AGBL4: variants seen among roughly 807,000 people sequenced by gnomAD.
The protein encoded by AGBL4 is AGBL carboxypeptidase 4, also known as cytosolic carboxypeptidase 6.
Under a neutral mutation model 66.4 loss-of-function variants are expected in AGBL4, and 58 were observed. That is an observed-to-expected ratio of 0.87 (90% CI 0.71 to 1.09). AGBL4 has a LOEUF of 1.09. Among genes scored for constraint, AGBL4 ranks in the 50% least tolerant of loss-of-function variants. The pLI is 0.00. For missense variants in AGBL4, 579 were observed against 631.0 expected (o/e 0.92, Z 0.88); for synonymous variants, 234 against 222.9 (o/e 1.05, Z -0.44).
chr1:48,846,897 C>G (rs944047432), intron 6 of AGBL4, among the ~76,000 whole-genome samples: 1 of 152,064 alleles, frequency 6.6e-6, no homozygotes, highest in African/African-American at 2.4e-5. Flanking sequence ...TATTACCCAA[C>G]CTTAATGAGA....
At chr1:49,833,813 A>G (rs1165700717) in intron 2 of AGBL4, among the ~76,000 whole-genome samples, 1 of 152,094 alleles carries the variant, frequency 6.6e-6, no homozygotes, top group South Asian at 2.1e-4. Context: ...TTGGTGTATA[A>G]GAATGCTTGT....
intron 5 of AGBL4, among the ~76,000 whole-genome samples, chr1:48,875,810 A>G (rs1649165337): frequency 6.6e-6 from 1 of 152,210 alleles, no homozygotes; most frequent in African/African-American, 2.4e-5. Context: ...TGAGGCAGGT[A>G]TTGTTGCCCT....
rs565837972 is a variant in AGBL4, at chr1:49,749,123, G to C, written c.158-51686C>G. Among the ~76,000 whole-genome samples the C allele has an allele frequency of 2.6e-5, 4 of 152,266 alleles. No individual in the cohort carries two copies. The South Asian group carries it at 8.3e-4, about 32-fold the overall frequency. Reference sequence around the variant, plus strand: ...ATGGTATTGCCTAGGTTTTCTTCTAGGGTTTTTATGGTTTTAGGTCTTACG... The same window carrying C: ...ATGGTATTGCCTAGGTTTTCTTCTACGGTTTTTATGGTTTTAGGTCTTACG... On this transcript the variant is annotated intron_variant, in intron 2 of 13. Transcript: ENST00000371839.
At chr1:48,563,011 T>A (rs1478619272) in intron 11 of AGBL4, among the ~76,000 whole-genome samples, 3 of 152,202 alleles carry the variant, frequency 2.0e-5, no homozygotes, top group Non-Finnish European at 4.4e-5. Flanking sequence ...ATTTCACCAC[T>A]AGGATACTCC....
At chr1:49,740,516 C>A (rs2124746264) in intron 2 of AGBL4, among the ~76,000 whole-genome samples, 1 of 152,192 alleles carries the variant, frequency 6.6e-6, no homozygotes, top group South Asian at 2.1e-4. Flanking sequence ...ACAAGGATAT[C>A]CAGGAATTGA....
intron 3 of AGBL4, among the ~76,000 whole-genome samples, chr1:49,542,466 C>T (rs1381358480): frequency 1.3e-5 from 2 of 152,132 alleles, no homozygotes; most frequent in African/African-American, 2.4e-5. Context: ...GGACATGCCG[C>T]CTTTAAGGAC....
intron 5 of AGBL4, among the ~76,000 whole-genome samples, chr1:48,882,715 T>G (rs965123015): frequency 6.6e-6 from 1 of 152,194 alleles, no homozygotes; most frequent in African/African-American, 2.4e-5. Context: ...TCTCCAGAAC[T>G]TATCCCTCCT....
intron 3 of AGBL4, among the ~76,000 whole-genome samples, chr1:49,604,356 T>C (rs1326174537): frequency 6.6e-6 from 1 of 152,236 alleles, no homozygotes; most frequent in African/African-American, 2.4e-5. Flanking sequence ...CATATGTTTG[T>C]TGGCCATTTT....
intron 4 of AGBL4, among the ~76,000 whole-genome samples, chr1:49,120,032 G>A (rs987240957): frequency 2.0e-5 from 3 of 151,986 alleles, no homozygotes; most frequent in African/African-American, 2.4e-5. Flanking sequence ...CATTTGCTTG[G>A]TAGATCTTTC....
intron 2 of AGBL4, among the ~76,000 whole-genome samples, chr1:49,718,696 CTT>C (rs1648353940): frequency 6.6e-6 from 1 of 151,900 alleles, no homozygotes; most frequent in Non-Finnish European, 1.5e-5. Context: ...TTCTATTAAA[CTT>C]ATATTATAAG....
intron 2 of AGBL4, among the ~76,000 whole-genome samples, chr1:49,849,420 ATTATT>A (rs879850586): frequency 1.1e-4 from 15 of 132,650 alleles, no homozygotes; most frequent in South Asian, 2.5e-4. Flanking sequence ...TATTATTATT[ATTATT>A]ATTATTATGT....
chr1:49,791,910 T>C (rs1644609736), intron 2 of AGBL4, among the ~76,000 whole-genome samples: 1 of 152,128 alleles, frequency 6.6e-6, no homozygotes, highest in African/African-American at 2.4e-5. Context: ...CACATTTTTT[T>C]CACTTATGTA....
intron 6 of AGBL4, among the ~76,000 whole-genome samples, chr1:48,778,011 G>C (rs536956782): frequency 6.6e-6 from 1 of 152,164 alleles, no homozygotes; most frequent in Non-Finnish European, 1.5e-5. Flanking sequence ...CATCAGAGGA[G>C]GTCAGTACCT....
intron 3 of AGBL4, 74 bp downstream of exon 3, chr1:49,697,239 G>T: frequency 2.1e-6 from 3 of 1,418,242 alleles, no homozygotes; most frequent in Non-Finnish European, 2.9e-6. Flanking sequence ...TCATTATTTT[G>T]ATATTTCTAA....
chr1:48,893,032 C>T (rs1651125535), intron 5 of AGBL4, among the ~76,000 whole-genome samples: 1 of 152,142 alleles, frequency 6.6e-6, no homozygotes, highest in African/African-American at 2.4e-5. Flanking sequence ...GAGAAACCTT[C>T]TGGAGTGCAC....
intron 5 of AGBL4, among the ~76,000 whole-genome samples, chr1:48,898,469 T>G (rs1334153342): frequency 6.6e-6 from 1 of 152,232 alleles, no homozygotes; most frequent in East Asian, 1.9e-4. Context: ...CATTTTGATT[T>G]GATTTTTGTG....
intron 6 of AGBL4, among the ~76,000 whole-genome samples, chr1:48,724,650 G>T (rs1036717498): frequency 9.9e-5 from 15 of 152,162 alleles, no homozygotes; most frequent in African/African-American, 3.6e-4. Context: ...ACATCAGAGT[G>T]CTTTCAGCAG....
chr1:49,211,816 G>A (rs1648691389), intron 4 of AGBL4, among the ~76,000 whole-genome samples: 2 of 151,964 alleles, frequency 1.3e-5, no homozygotes, highest in South Asian at 4.2e-4. Flanking sequence ...GCATTTTCTT[G>A]CTTTATCATT....
intron 6 of AGBL4, among the ~76,000 whole-genome samples, chr1:48,744,759 C>T (rs1473972463): frequency 6.6e-6 from 1 of 152,198 alleles, no homozygotes; most frequent in Admixed American, 6.5e-5. Flanking sequence ...AGTCCCACAC[C>T]ATGGCCTCCA....
Sources: allele counts gnomAD v4.1 joint callset (sites outside exome capture counted in the v4.1 genomes callset), GRCh38; gene constraint gnomAD v4.1.1; transcripts MANE v1.5; gene names NCBI Gene and HGNC (gene_info 2026-07-23, HGNC 2026-07-21).